BCAT1: variants seen among roughly 807,000 people sequenced by gnomAD.
BCAT1 encodes the protein branched chain amino acid transaminase 1, also known as branched-chain-amino-acid aminotransferase, cytosolic.
In BCAT1, 48 loss-of-function variants were observed where a neutral mutation model predicts 52.4. The ratio of observed to expected loss-of-function variants is 0.92; its 90% confidence interval spans 0.73 to 1.16. The LOEUF (loss-of-function observed/expected upper bound fraction) is 1.16. Among genes scored for constraint, BCAT1 ranks in the 50% most tolerant of loss-of-function variants. The pLI, the probability that BCAT1 is intolerant of heterozygous loss-of-function variation, is 0.00. For synonymous variants in BCAT1, 167 were observed against 161.3 expected (o/e 1.04, Z -0.27); for missense variants, 451 against 457.1 (o/e 0.99, Z 0.12).
At chr12:24,925,983 C>T (rs530243273) in intron 1 of BCAT1, among the ~76,000 whole-genome samples, 1,827 of 152,322 alleles carry the variant, frequency 0.012, 16 homozygotes, top group Non-Finnish European at 0.018. Flanking sequence ...CCCAAAGTGC[C>T]GAGATTGCAG....
At chr12:24,873,824 G>A (rs2139571109) in intron 5 of BCAT1, among the ~76,000 whole-genome samples, 1 of 152,128 alleles carries the variant, frequency 6.6e-6, no homozygotes, top group East Asian at 1.9e-4. Flanking sequence ...TCCATGCACT[G>A]GTAGCCTGGT....
chr12:24,839,043 G>A (rs1403709398), intron 7 of BCAT1, among the ~76,000 whole-genome samples: 2 of 152,152 alleles, frequency 1.3e-5, no homozygotes, highest in Non-Finnish European at 2.9e-5. Context: ...TAAGCTCTAT[G>A]AATACAGCAG....
At position 24,891,177 on chromosome 12, in the gene BCAT1, A is replaced by G. The variant is rs549506047; in HGVS notation, c.279+3098T>C. ...TACAGATTTTGGGCCCTAGGTCAGC[A>G]CATAAGAAGGCTGCCTACTCTGTGA... is the stretch of plus-strand genomic sequence containing the variant. On this transcript the variant is annotated intron_variant, in intron 3 of 10. Transcript: ENST00000261192. Among the ~76,000 whole-genome samples, 9 of 152,308 alleles carry G rather than the reference A, an allele frequency of 5.9e-5. No homozygotes were observed. The East Asian group carries it at 9.6e-4, about 16-fold the overall frequency.
rs1375362072 is a variant in BCAT1, at chr12:24,860,651, A to C, written c.511-10702T>G. Among the ~76,000 whole-genome samples, 4 of 152,314 alleles carry C rather than the reference A, an allele frequency of 2.6e-5. No homozygotes were observed. The East Asian group carries it at 7.7e-4, about 29-fold the overall frequency. ...ATGGCATTCTTTCAAATATAAACAG[A>C]TTGCTTTAAGGAATCAAAGTTGACT... is the stretch of plus-strand genomic sequence containing the variant. On this transcript the variant is annotated intron_variant, in intron 5 of 10. Transcript: ENST00000261192.
intron 1 of BCAT1, among the ~76,000 whole-genome samples, chr12:24,914,815 C>A (rs961913509): frequency 6.6e-5 from 10 of 152,096 alleles, no homozygotes; most frequent in Non-Finnish European, 1.5e-4. Context: ...GATTCCAAGA[C>A]AGAAAAATGG....
At chr12:24,842,052 A>G (rs1305025734) in intron 7 of BCAT1, 30 bp downstream of exon 7, 1 of 1,609,070 alleles carries the variant, frequency 6.2e-7, no homozygotes, top group Admixed American at 1.7e-5. Context: ...ATGACTGAGA[A>G]ATGCACACAG....
chr12:24,902,657 C>T (rs1943140044), intron 1 of BCAT1: 1 of 501,784 alleles, frequency 2.0e-6, no homozygotes, highest in African/African-American at 2.0e-5. Context: ...GAGTCCATAG[C>T]TACCCTCACG....
At position 24,842,107 on chromosome 12, in the gene BCAT1, A is replaced by T. The variant is rs371256913; in HGVS notation, c.792T>A (p.Phe264Leu). The T allele has an allele frequency of 3.3e-4, 539 of 1,613,780 alleles. No homozygotes were observed. Among genetic ancestry groups the T allele is most frequent in the Non-Finnish European group, 4.3e-4 (511 of 1,179,806 alleles). ...QITEVGTMNLFLYWINEDGEE... is the reference protein window; with the variant it reads ...QITEVGTMNLLLYWINEDGEE... Reference sequence around the variant, plus strand: ...CTCCATCTTCATTTATCCAGTAAAGAAAAAGATTCATAGTTCCCACTTCAG... The same window carrying T: ...CTCCATCTTCATTTATCCAGTAAAGTAAAAGATTCATAGTTCCCACTTCAG... The change falls in exon 7 of 11, where the codon TTT becomes TTA. Residue 264 changes from phenylalanine to leucine, a missense_variant. Coordinates refer to ENST00000261192, the MANE Select transcript of BCAT1 (RefSeq NM_005504.7).
intron 9 of BCAT1, among the ~76,000 whole-genome samples, chr12:24,831,142 C>A (rs1236672898): frequency 6.6e-6 from 1 of 152,158 alleles, no homozygotes; most frequent in Non-Finnish European, 1.5e-5. Context: ...ACATGATGGA[C>A]AATGAGGATG....
intron 2 of BCAT1, among the ~76,000 whole-genome samples, chr12:24,899,827 G>A (rs569543476): frequency 3.0e-4 from 42 of 139,154 alleles, no homozygotes; most frequent in African/African-American, 8.5e-4. Flanking sequence ...TCACTCATAC[G>A]TGAGAGCTAA....
intron 10 of BCAT1, among the ~76,000 whole-genome samples, chr12:24,824,394 C>T (rs548285812): frequency 3.3e-5 from 5 of 152,086 alleles, no homozygotes; most frequent in South Asian, 4.2e-4. Flanking sequence ...ACATTCCTGG[C>T]CTCAAGTGTT....
intron 3 of BCAT1, among the ~76,000 whole-genome samples, chr12:24,888,961 C>G (rs1164227576): frequency 6.6e-6 from 1 of 152,174 alleles, no homozygotes; most frequent in African/African-American, 2.4e-5. Context: ...CTCCAATCAA[C>G]TAGGAAAGTC....
At chr12:24,920,226 T>C (rs1207170144) in intron 1 of BCAT1, among the ~76,000 whole-genome samples, 2 of 152,198 alleles carry the variant, frequency 1.3e-5, no homozygotes, top group East Asian at 1.9e-4. Context: ...AAGATTCATA[T>C]TGAGTCTTTA....
chr12:24,881,259 TACATTAAAAGAAACACAAAAGAAACTC>T lies in BCAT1; in HGVS notation c.390+15_390+41del. 9 of 1,412,490 alleles carry T rather than the reference TACATTAAAAGAAACACAAAAGAAACTC, an allele frequency of 6.4e-6. No individual in the cohort carries two copies. The highest frequency in any genetic ancestry group is 1.4e-5 in the African/African-American group (1 of 69,880). The allele number at this position is 1,412,490 out of a possible 1,614,324, so 87.5% of individuals were successfully genotyped here. ...TTTGGTGGTCAACACCGTGACCCGT[TACATTAAAAGAAACACAAAAGAAACTC>T]CTACACTTACATACCGGCAGAGTTG... On this transcript the variant is annotated intron_variant, in intron 4 of 10. Transcript: ENST00000261192.
At chr12:24,933,355 C>T (rs1943707183) in intron 1 of BCAT1, among the ~76,000 whole-genome samples, 1 of 152,050 alleles carries the variant, frequency 6.6e-6, no homozygotes, top group South Asian at 2.1e-4. Context: ...AACTGAGGCA[C>T]AGTTTAATAA....
chr12:24,825,577 C>A (rs1355886388), intron 10 of BCAT1, among the ~76,000 whole-genome samples: 2 of 151,710 alleles, frequency 1.3e-5, no homozygotes, highest in Non-Finnish European at 2.9e-5. Context: ...TTTTCATGTA[C>A]CTCCTGGCCA....
intron 5 of BCAT1, among the ~76,000 whole-genome samples, chr12:24,857,533 AG>A (rs1941725992): frequency 6.6e-6 from 1 of 152,132 alleles, no homozygotes; most frequent in South Asian, 2.1e-4. Flanking sequence ...TCTAGATAAA[AG>A]TTTTTTCTTC....
intron 1 of BCAT1, among the ~76,000 whole-genome samples, chr12:24,914,242 C>T (rs1048682015): frequency 6.6e-5 from 10 of 151,998 alleles, no homozygotes; most frequent in Non-Finnish European, 1.3e-4. Flanking sequence ...CTACTATGCC[C>T]GGCTAATTTT....
chr12:24,834,114 C>T (rs1476216770), intron 8 of BCAT1: 1 of 975,690 alleles, frequency 1.0e-6, no homozygotes, highest in African/African-American at 1.8e-5. Flanking sequence ...TTGTGAGCCA[C>T]TGTGCACGGC....
Sources: gnomAD v4.1 joint callset for allele counts (sites outside exome capture counted in the v4.1 genomes callset) on GRCh38, gnomAD v4.1.1 for gene constraint, MANE v1.5 for transcripts, NCBI Gene and HGNC (gene_info 2026-07-23, HGNC 2026-07-21) for gene names.